The following RANBP17 variants were observed in gnomAD, a reference collection of about 807,000 sequenced individuals.
RANBP17 encodes ran-binding protein 17.
In RANBP17, 158 loss-of-function variants were observed where a neutral mutation model predicts 141.2. The ratio of observed to expected loss-of-function variants is 1.12; its 90% CI spans 0.98 to 1.28. The LOEUF (loss-of-function observed/expected upper bound fraction) is 1.28. Among genes scored for constraint, RANBP17 ranks in the 50% most tolerant of loss-of-function variants. The probability of loss-of-function intolerance (pLI) is 0.00; values close to 1 mark genes in which losing one functional copy is unlikely to be tolerated. For synonymous variants in RANBP17, 430 were observed against 450.0 expected, an observed-to-expected ratio of 0.96 and a Z score of 0.56; for missense variants, 1,438 against 1,290.7, an observed-to-expected ratio of 1.11 and a Z score of -1.75.
At chr5:171,032,288 G>T (rs1781594864) in intron 14 of RANBP17, among the ~76,000 whole-genome samples, 1 of 152,006 alleles carries the variant, frequency 6.6e-6, no homozygotes, top group Admixed American at 6.6e-5. Flanking sequence ...AATCTAAATG[G>T]GTAGATATGA....
chr5:170,973,604 C>T (rs1211660149), intron 14 of RANBP17, among the ~76,000 whole-genome samples: 1 of 151,742 alleles, frequency 6.6e-6, no homozygotes, highest in African/African-American at 2.4e-5. Flanking sequence ...AGAAAAGCTA[C>T]CTACTAGTAA....
intron 18 of RANBP17, among the ~76,000 whole-genome samples, chr5:171,199,029 A>G (rs1486269585): frequency 6.6e-6 from 1 of 152,176 alleles, no homozygotes; most frequent in East Asian, 1.9e-4. Flanking sequence ...CTACCTTTAA[A>G]GTAAAAAGTT....
At chr5:171,227,838 G>A (rs940709537) in intron 22 of RANBP17, among the ~76,000 whole-genome samples, 15 of 152,136 alleles carry the variant, frequency 9.9e-5, no homozygotes, top group South Asian at 2.1e-4. Flanking sequence ...TACTCTGCAT[G>A]TGCTCTAGAA....
chr5:170,882,568 A>G (rs1768800665), intron 3 of RANBP17, among the ~76,000 whole-genome samples: 1 of 152,194 alleles, frequency 6.6e-6, no homozygotes, highest in African/African-American at 2.4e-5. Context: ...TAGTAGGGTT[A>G]TGATTCAAAG....
At chr5:170,976,746 A>G (rs1023722616) in intron 14 of RANBP17, among the ~76,000 whole-genome samples, 5 of 152,154 alleles carry the variant, frequency 3.3e-5, no homozygotes, top group African/African-American at 1.2e-4. Flanking sequence ...CAAGGGCATC[A>G]ACATAACTCA....
chr5:171,194,020 G>A (rs1339111034), intron 18 of RANBP17, among the ~76,000 whole-genome samples: 1 of 152,024 alleles, frequency 6.6e-6, no homozygotes, highest in African/African-American at 2.4e-5. Context: ...AGTAACTGTT[G>A]GCTACCATCA....
At chr5:171,117,385 A>C (rs1413380172) in intron 14 of RANBP17, among the ~76,000 whole-genome samples, 1 of 152,018 alleles carries the variant, frequency 6.6e-6, no homozygotes, top group African/African-American at 2.4e-5. Context: ...ATGATATTTC[A>C]TTGTGGTTTT....
intron 22 of RANBP17, among the ~76,000 whole-genome samples, chr5:171,225,134 T>C (rs1251004870): frequency 6.6e-6 from 1 of 152,234 alleles, no homozygotes; most frequent in Non-Finnish European, 1.5e-5. Flanking sequence ...TGAATTGGAA[T>C]TTCATTCAGT....
At chr5:171,161,963 A>T (rs1759380351) in intron 14 of RANBP17, among the ~76,000 whole-genome samples, 1 of 152,196 alleles carries the variant, frequency 6.6e-6, no homozygotes, top group African/African-American at 2.4e-5. Context: ...TTCATCCAGC[A>T]TCAGCTTCTT....
intron 14 of RANBP17, among the ~76,000 whole-genome samples, chr5:170,996,811 G>C (rs574389491): frequency 7.9e-5 from 12 of 152,164 alleles, no homozygotes; most frequent in Admixed American, 2.0e-4. Flanking sequence ...TTTTGCATTA[G>C]TTTCTATAAA....
intron 1 of RANBP17, among the ~76,000 whole-genome samples, chr5:170,870,164 A>G (rs938179957): frequency 6.6e-6 from 1 of 152,162 alleles, no homozygotes; most frequent in African/African-American, 2.4e-5. Context: ...TAGGTTGATC[A>G]TGAGAGGGAA....
chr5:171,294,824 C>A (rs947703545), intron 26 of RANBP17, among the ~76,000 whole-genome samples: 1 of 152,044 alleles, frequency 6.6e-6, no homozygotes, highest in Non-Finnish European at 1.5e-5. Flanking sequence ...GGAATAAGGG[C>A]AAATTCAGTG....
At chr5:171,072,338 A>C (rs1041642039) in intron 14 of RANBP17, among the ~76,000 whole-genome samples, 2 of 152,144 alleles carry the variant, frequency 1.3e-5, no homozygotes, top group African/African-American at 2.4e-5. Context: ...ACAAATTTCT[A>C]ACATGCAGAA....
At chr5:171,128,564 A>G (rs1305925152) in intron 14 of RANBP17, among the ~76,000 whole-genome samples, 1 of 152,158 alleles carries the variant, frequency 6.6e-6, no homozygotes, top group Non-Finnish European at 1.5e-5. Context: ...ACTTAGTTAT[A>G]TAAAGGCATA....
intron 14 of RANBP17, among the ~76,000 whole-genome samples, chr5:171,134,443 A>T (rs776931325): frequency 4.6e-5 from 7 of 152,216 alleles, no homozygotes; most frequent in Non-Finnish European, 1.0e-4. Flanking sequence ...ATGATTTGTT[A>T]ATGGTTGGCA....
rs575817990 is a variant in RANBP17, at chr5:171,066,151, T to C, written c.1710+97774T>C. On this transcript the variant is annotated intron_variant, in intron 14 of 27. Coordinates refer to ENST00000523189, the MANE Select transcript of RANBP17 (RefSeq NM_022897.5). The stretch of plus-strand genomic sequence containing the variant: ...TGCTGGGATTACAGTCATGAGCAAC[T>C]GCACCCGGCTGTGTTTATTTTTTAT... Among the ~76,000 whole-genome samples the C allele has an allele frequency of 5.3e-5, 8 of 152,300 alleles. No homozygotes were observed. In the East Asian group the frequency reaches 1.5e-3, roughly 29 times the overall value.
intron 22 of RANBP17, among the ~76,000 whole-genome samples, chr5:171,227,046 C>G (rs1763922608): frequency 6.6e-6 from 1 of 152,154 alleles, no homozygotes; most frequent in Admixed American, 6.5e-5. Context: ...TCCCTATTCT[C>G]TGACACAGCA....
At chr5:171,041,504 G>A (rs1056874397) in intron 14 of RANBP17, among the ~76,000 whole-genome samples, 1 of 152,096 alleles carries the variant, frequency 6.6e-6, no homozygotes, top group African/African-American at 2.4e-5. Flanking sequence ...TATGTTCTAA[G>A]AAATGTCCTT....
intron 14 of RANBP17, among the ~76,000 whole-genome samples, chr5:170,979,747 C>T (rs1777631572): frequency 6.6e-6 from 1 of 152,208 alleles, no homozygotes; most frequent in Non-Finnish European, 1.5e-5. Context: ...GTCCAGTAAA[C>T]ATCTTTCTTT....
Sources: allele counts gnomAD v4.1 joint callset (sites outside exome capture counted in the v4.1 genomes callset), GRCh38; gene constraint gnomAD v4.1.1; transcripts MANE v1.5; gene names NCBI Gene and HGNC (gene_info 2026-07-23, HGNC 2026-07-21).